The following FBXL5 variants were observed in gnomAD, a reference collection of about 807,000 sequenced individuals.
The protein encoded by FBXL5 is F-box/LRR-repeat protein 5.
FBXL5 carries 26 observed loss-of-function variants against 78.3 expected under a neutral mutation model. The ratio of observed to expected loss-of-function variants is 0.33; its 90% confidence interval spans 0.24 to 0.46. The LOEUF is 0.46. Among genes scored for constraint, FBXL5 ranks in the 20% least tolerant of loss-of-function variants. The pLI is 1.00. For synonymous variants in FBXL5, 295 were observed against 282.5 expected (o/e 1.04, Z -0.45); for missense variants, 710 against 829.2 (o/e 0.86, Z 1.77).
rs544220146 is a variant in FBXL5 at position 15,635,047 on chromosome 4, C to T, written c.766+1447G>A. Among the ~76,000 whole-genome samples, 7 of 152,034 alleles carry T rather than the reference C, an allele frequency of 4.6e-5. No homozygotes were observed. The South Asian group carries it at 1.5e-3, about 32-fold the overall frequency. On this transcript the variant is annotated intron_variant, in intron 5 of 10. Transcript: ENST00000341285. The stretch of plus-strand genomic sequence containing the variant: ...AACAGCTTATTTTAAAAGTACTATA[C>T]GTGGCCGGGCACGGTGGCTCAAGCC...
chr4:15,614,904 A>C (rs968844031), intron 9 of FBXL5, among the ~76,000 whole-genome samples: 2 of 151,996 alleles, frequency 1.3e-5, no homozygotes, highest in Admixed American at 1.3e-4. Context: ...GCTTGCAGGG[A>C]GGTGTAGAGG....
chr4:15,647,634 C>T (rs1715510390), intron 1 of FBXL5, among the ~76,000 whole-genome samples: 1 of 152,160 alleles, frequency 6.6e-6, no homozygotes, highest in African/African-American at 2.4e-5. Flanking sequence ...TTTCATGCCA[C>T]AAACTGACAG....
chr4:15,607,657 T>C (rs1721979445), intron 10 of FBXL5, among the ~76,000 whole-genome samples: 1 of 152,112 alleles, frequency 6.6e-6, no homozygotes, highest in Non-Finnish European at 1.5e-5. Context: ...CCTTCTTAGC[T>C]TGTCTTTCCT....
intron 1 of FBXL5, among the ~76,000 whole-genome samples, chr4:15,665,446 G>C (rs1184941581): frequency 6.6e-6 from 1 of 152,040 alleles, no homozygotes; most frequent in East Asian, 1.9e-4. Flanking sequence ...GGTCTACCTT[G>C]CAGGAATTAC....
chr4:15,640,491 C>A, intron 3 of FBXL5, among the ~76,000 whole-genome samples: 1 of 147,314 alleles, frequency 6.8e-6, no homozygotes, highest in African/African-American at 2.5e-5. Flanking sequence ...TCTGAAAAGA[C>A]ATTAGGGTAG....
chr4:15,672,904 T>G (rs956911773), intron 1 of FBXL5, among the ~76,000 whole-genome samples: 26 of 152,158 alleles, frequency 1.7e-4, no homozygotes, highest in Admixed American at 3.3e-4. Flanking sequence ...TTTATAAACT[T>G]TATTTAAAAA....
intron 1 of FBXL5, among the ~76,000 whole-genome samples, chr4:15,651,727 A>AT (rs1463194962): frequency 1.3e-5 from 2 of 152,208 alleles, no homozygotes; most frequent in Non-Finnish European, 2.9e-5. Context: ...GTATAAATAA[A>AT]TTCTTTCATA....
At chr4:15,642,825 A>T (rs1715029205) in intron 2 of FBXL5, among the ~76,000 whole-genome samples, 1 of 152,192 alleles carries the variant, frequency 6.6e-6, no homozygotes, top group South Asian at 2.1e-4. Context: ...AGCAGTTCAA[A>T]CCTAATCTGT....
intron 1 of FBXL5, among the ~76,000 whole-genome samples, chr4:15,651,818 C>G (rs1271902704): frequency 6.6e-6 from 1 of 152,174 alleles, no homozygotes; most frequent in Non-Finnish European, 1.5e-5. Context: ...TTTTTAATAA[C>G]TGGTTTATAT....
chr4:15,679,765 C>G (rs1718138188), intron 1 of FBXL5, among the ~76,000 whole-genome samples: 4 of 148,328 alleles, frequency 2.7e-5, no homozygotes, highest in Admixed American at 2.0e-4. Context: ...TCCAATCCCC[C>G]TAAAAAAAAA....
At chr4:15,672,928 A>T (rs1414934541) in intron 1 of FBXL5, among the ~76,000 whole-genome samples, 1 of 152,134 alleles carries the variant, frequency 6.6e-6, no homozygotes, top group Non-Finnish European at 1.5e-5. Context: ...TATTTTTACG[A>T]GACACAAATT....
intron 9 of FBXL5, among the ~76,000 whole-genome samples, chr4:15,623,983 C>A (rs1045020336): frequency 6.6e-6 from 1 of 151,906 alleles, no homozygotes; most frequent in African/African-American, 2.4e-5. Flanking sequence ...CCACCGTGCC[C>A]GGCTAATTTT....
chr4:15,668,127 A>G (rs2148797675), intron 1 of FBXL5, among the ~76,000 whole-genome samples: 1 of 152,142 alleles, frequency 6.6e-6, no homozygotes, highest in Admixed American at 6.6e-5. Context: ...TTTGGTTAAT[A>G]AAATTCAATT....
rs1713228462 is a variant in FBXL5, at chr4:15,627,904, G to C, written c.1022C>G (p.Ser341Cys). The C allele has an allele frequency of 6.2e-7, 1 of 1,612,294 alleles. No homozygotes were observed. Residue 341 changes from serine to cysteine, a missense_variant, in exon 7 of 11, where the codon TCT becomes TGT. Around this residue, in one of 4 missense-constraint regions of FBXL5, gnomAD observed 517 missense variants for 542.9 expected, o/e 0.95. Transcript: ENST00000341285. ...SVKTLVLAYS[S>C]AVSSKMVRQI... ...ACATACCATTTTGCTGGAAACTGCA[G>C]AGCTGTATGCTAATACTAAGGTTTT...
intron 9 of FBXL5, 74 bp downstream of exon 9, chr4:15,625,178 A>AC (rs1296420227): frequency 6.8e-7 from 1 of 1,471,476 alleles, no homozygotes; most frequent in East Asian, 2.3e-5. Context: ...AGAATGACTT[A>AC]GATCAAAATT....
At position 15,655,190 on chromosome 4, in the gene FBXL5, C is replaced by T. The variant is rs1281150350; in HGVS notation, c.84+14G>A. On this transcript the variant is annotated intron_variant, in intron 1 of 10. Coordinates refer to ENST00000341285, the MANE Select transcript of FBXL5 (RefSeq NM_012161.4). ...CCCGCACCGCCCACAGCGGGAGGCT[C>T]AGCGCTCCGTTACCTTGTCGCAGTA... 4 of 1,387,390 alleles carry T rather than the reference C, an allele frequency of 2.9e-6. No homozygotes were observed. The African/African-American group carries it at 5.1e-5, about 18-fold the overall frequency. The allele number at this position is 1,387,390 out of a possible 1,614,324, so 85.9% of individuals were successfully genotyped here. A position where few individuals can be genotyped will look rare whatever the true frequency, so the allele number is the denominator to read the frequency against.
In FBXL5 at chr4:15,640,847, T is replaced by C; in HGVS notation, c.337A>G (p.Lys113Glu). The C allele has an allele frequency of 1.3e-6, 2 of 1,561,114 alleles. No individual in the cohort carries two copies. The highest frequency in any genetic ancestry group is 1.7e-6 in the Non-Finnish European group (2 of 1,156,676). ...CTTGTAAAAGCCTCCAATCTCTCTT[T>C]CAGTTGTTTTGCATAATTTAACTGT... ...YEQLNYAKQLKERLEAFTRDF... is the reference protein window; with the variant it reads ...YEQLNYAKQLEERLEAFTRDF... Residue 113 changes from lysine (K) to glutamate (E), a missense_variant, in exon 3 of 11, where the codon AAA (lysine) becomes GAA (glutamate). By Grantham distance (56) the Lys-to-Glu change is moderately conservative (BLOSUM62 1). Transcript: ENST00000341285.
upstream of FBXL5, among the ~76,000 whole-genome samples, chr4:15,657,231 T>G (rs1294699890): frequency 3.3e-5 from 5 of 152,180 alleles, no homozygotes; most frequent in Non-Finnish European, 7.4e-5. Flanking sequence ...GAATCAGACC[T>G]CAGGTGAACC....
chr4:15,661,349 T>G (rs1209918126), upstream of FBXL5, among the ~76,000 whole-genome samples: 1 of 152,242 alleles, frequency 6.6e-6, no homozygotes, highest in South Asian at 2.1e-4. Context: ...TGTAAAGGGA[T>G]AGTGAGTCTC....
Sources: allele counts gnomAD v4.1 joint callset (sites outside exome capture counted in the v4.1 genomes callset), GRCh38; gene constraint gnomAD v4.1.1; regional missense constraint gnomAD v4.1.1; transcripts MANE v1.5; gene names NCBI Gene and HGNC (gene_info 2026-07-23, HGNC 2026-07-21).